The following DLG2 variants were observed in gnomAD, a reference collection of about 807,000 sequenced individuals.
DLG2 encodes disks large homolog 2.
DLG2 carries 45 observed loss-of-function variants against 132.5 expected under a neutral mutation model. The ratio of observed to expected loss-of-function variants is 0.34; its 90% CI spans 0.27 to 0.44. The LOEUF (loss-of-function observed/expected upper bound fraction) is 0.44. Among genes scored for constraint, DLG2 ranks in the 20% least tolerant of loss-of-function variants. The probability of loss-of-function intolerance (pLI) is 1.00; values close to 1 mark genes in which losing one functional copy is unlikely to be tolerated. For synonymous variants in DLG2, 424 were observed against 419.6 expected (o/e 1.01, Z -0.13); for missense variants, 1,045 against 1,196.9 (o/e 0.87, Z 1.87).
chr11:84,490,102 A>C (rs1367572973), intron 7 of DLG2, among the ~76,000 whole-genome samples: 1 of 152,200 alleles, frequency 6.6e-6, no homozygotes, highest in Non-Finnish European at 1.5e-5. Context: ...CAAGAACACA[A>C]GCTCATTCCC....
chr11:83,988,376 G>T (rs2093477750), intron 11 of DLG2, among the ~76,000 whole-genome samples: 1 of 151,620 alleles, frequency 6.6e-6, no homozygotes, highest in African/African-American at 2.4e-5. Flanking sequence ...CTTCAGCTTT[G>T]TTCTTTTTGC....
At position 85,266,821 on chromosome 11, in the gene DLG2, C is replaced by T. The variant is rs115119089; in HGVS notation, c.186+18399G>A. On this transcript the variant is annotated intron_variant, in intron 4 of 27. Coordinates refer to ENST00000376104, the MANE Select transcript of DLG2 (RefSeq NM_001142699.3). ...AGAACCCTCAATTCTGATGAAGAAA[C>T]ATTTGCTTCACAAGGAGTCATTTTA... is the stretch of plus-strand genomic sequence containing the variant. Among the ~76,000 whole-genome samples, 259 of 152,272 alleles carry T rather than the reference C, an allele frequency of 1.7e-3. 1 individual carries two copies. The highest frequency in any genetic ancestry group is 6.1e-3 in the African/African-American group (254 of 41,568).
intron 7 of DLG2, among the ~76,000 whole-genome samples, chr11:84,381,708 G>A (rs1428553581): frequency 6.6e-6 from 1 of 152,138 alleles, no homozygotes; most frequent in Non-Finnish European, 1.5e-5. Context: ...ATGAACCAGT[G>A]TATCATTTTC....
intron 6 of DLG2, among the ~76,000 whole-genome samples, chr11:84,676,595 A>T (rs1198762170): frequency 6.6e-6 from 1 of 152,098 alleles, no homozygotes; most frequent in Non-Finnish European, 1.5e-5. Flanking sequence ...GTTCTGCCAG[A>T]CATTCTTCTA....
intron 6 of DLG2, among the ~76,000 whole-genome samples, chr11:84,722,374 A>G (rs2061933082): frequency 1.3e-5 from 2 of 152,182 alleles, no homozygotes; most frequent in Admixed American, 6.5e-5. Flanking sequence ...ATATCATGGT[A>G]TGCTTCCTCC....
chr11:84,980,633 C>T (rs572495960), intron 6 of DLG2, among the ~76,000 whole-genome samples: 4 of 152,214 alleles, frequency 2.6e-5, no homozygotes, highest in African/African-American at 9.6e-5. Context: ...AGCACCAAAA[C>T]ATTATAGGTA....
intron 7 of DLG2, among the ~76,000 whole-genome samples, chr11:84,415,333 A>C (rs1370550334): frequency 6.6e-6 from 1 of 152,206 alleles, no homozygotes; most frequent in African/African-American, 2.4e-5. Flanking sequence ...CCATTTATTA[A>C]GCATTCTTTC....
intron 21 of DLG2, among the ~76,000 whole-genome samples, chr11:83,519,909 T>C (rs1287378059): frequency 1.3e-5 from 2 of 152,232 alleles, no homozygotes; most frequent in Non-Finnish European, 2.9e-5. Flanking sequence ...GCCATTAGAC[T>C]TGGGAGGTGT....
At chr11:84,796,889 C>T (rs2074697423) in intron 6 of DLG2, among the ~76,000 whole-genome samples, 1 of 150,892 alleles carries the variant, frequency 6.6e-6, no homozygotes, top group Non-Finnish European at 1.5e-5. Flanking sequence ...TCTTGTTGCC[C>T]AGGCTGGAGT....
chr11:83,844,729 G>A (rs543576733), intron 16 of DLG2, among the ~76,000 whole-genome samples: 1 of 151,960 alleles, frequency 6.6e-6, no homozygotes, highest in South Asian at 2.1e-4. Flanking sequence ...CTGTGAGGTC[G>A]AGGTGATCTC....
At chr11:85,333,548 A>C (rs1385036321) in intron 3 of DLG2, among the ~76,000 whole-genome samples, 1 of 152,092 alleles carries the variant, frequency 6.6e-6, no homozygotes, top group African/African-American at 2.4e-5. Flanking sequence ...TTGCCCATTT[A>C]GTATGATGTT....
chr11:84,466,342 T>C (rs1302101985), intron 7 of DLG2, among the ~76,000 whole-genome samples: 2 of 151,262 alleles, frequency 1.3e-5, no homozygotes, highest in Non-Finnish European at 3.0e-5. Flanking sequence ...AGGACATTTT[T>C]CCCCTAAAGA....
chr11:84,650,873 G>GTATACATA (rs1555135944), intron 6 of DLG2, among the ~76,000 whole-genome samples: 3 of 124,008 alleles, frequency 2.4e-5, no homozygotes, highest in Non-Finnish European at 3.3e-5. Context: ...GTGTGTGTGT[G>GTATACATA]TATATATATA....
chr11:83,646,710 C>T (rs2068298502), intron 18 of DLG2: 1 of 152,216 alleles, frequency 6.6e-6, no homozygotes, highest in Admixed American at 6.6e-5. Flanking sequence ...TGAATGAATA[C>T]ATCCAGGTTC....
intron 7 of DLG2, chr11:84,437,822 AG>A (rs2099005497): frequency 6.6e-6 from 1 of 152,480 alleles, no homozygotes; most frequent in Admixed American, 6.5e-5. Flanking sequence ...GAGGAAGGGA[AG>A]CTGCAGTCAA....
intron 7 of DLG2, among the ~76,000 whole-genome samples, chr11:84,358,970 T>C (rs2098634158): frequency 6.6e-6 from 1 of 151,886 alleles, no homozygotes; most frequent in Non-Finnish European, 1.5e-5. Context: ...TCTTTACTTG[T>C]CAGTTTTATG....
Position 85,355,524 on chromosome 11 carries a change from A to T in DLG2, c.41-70159T>A, listed in dbSNP as rs543826595. On this transcript the variant is annotated intron_variant, in intron 3 of 27. Transcript: ENST00000376104. ...TTTAAAAGAAATAAATGGTCTAATC[A>T]ACTTTAAATTATACTAGGTTTCTCA... Among the ~76,000 whole-genome samples, 5 of 152,310 alleles carry T rather than the reference A, an allele frequency of 3.3e-5. No individual in the cohort carries two copies. In the East Asian group the frequency reaches 9.6e-4, roughly 29 times the overall value.
intron 21 of DLG2, among the ~76,000 whole-genome samples, chr11:83,499,534 C>A (rs1030062092): frequency 6.6e-6 from 1 of 151,726 alleles, no homozygotes; most frequent in African/African-American, 2.4e-5. Context: ...TTTCCACCAG[C>A]AACCATTTAT....
chr11:84,812,478 G>T (rs1027797558), intron 6 of DLG2, among the ~76,000 whole-genome samples: 2 of 152,094 alleles, frequency 1.3e-5, no homozygotes, highest in Non-Finnish European at 2.9e-5. Context: ...TGCACAGATT[G>T]CACTGTTCAC....
Sources: gnomAD v4.1 joint callset for allele counts (sites outside exome capture counted in the v4.1 genomes callset) on GRCh38, gnomAD v4.1.1 for gene constraint, MANE v1.5 for transcripts, NCBI Gene and HGNC (gene_info 2026-07-23, HGNC 2026-07-21) for gene names.